The following PON2 variants were observed in gnomAD, a reference collection of about 807,000 sequenced individuals.
PON2 encodes paraoxonase 2.
In PON2, 27 loss-of-function variants were observed where a neutral mutation model predicts 36.6. That is an observed-to-expected ratio of 0.74 (90% confidence interval 0.54 to 1.02). The LOEUF is 1.02. PON2 is among the 50% of genes least tolerant of loss of function. PON2 has a pLI of 0.00. For missense variants in PON2, 363 were observed against 421.1 expected, an observed-to-expected ratio of 0.86 and a Z score of 1.21; for synonymous variants, 149 against 156.3, an observed-to-expected ratio of 0.95 and a Z score of 0.35.
rs554338521 is a variant in PON2 at position 95,416,279 on chromosome 7, A to G, written c.164T>C (p.Ile55Thr). 75 of 1,613,652 alleles carry G rather than the reference A, an allele frequency of 4.6e-5. No homozygotes were observed. The highest frequency in any genetic ancestry group is 1.6e-4 in the Middle Eastern group (1 of 6,082). ...AGCCAGACCATTGGGAAGTATGTCA[A>G]TATCTTCAGAGCCAGCTTCTGTAAG... The part of the protein sequence containing the change: ...IKGIEAGSED[I>T]DILPNGLAFF... The change falls in exon 3 of 9, where the codon ATT becomes ACT. Residue 55 changes from isoleucine (I) to threonine (T), a missense_variant. Transcript: ENST00000222572.
intron 1 of PON2, 99 bp downstream of exon 1, chr7:95,434,779 C>G (rs1237802030): frequency 7.4e-7 from 1 of 1,358,282 alleles, no homozygotes; most frequent in Non-Finnish European, 9.9e-7. Context: ...AGGGCCAGGT[C>G]CCGCAGGAAT....
At chr7:95,418,763 G>C (rs1346415468) in intron 2 of PON2, among the ~76,000 whole-genome samples, 1 of 151,938 alleles carries the variant, frequency 6.6e-6, no homozygotes, top group Non-Finnish European at 1.5e-5. Context: ...TTAATACTGT[G>C]GGCTGATTTG....
rs145186197 is a variant in PON2, at chr7:95,433,053, T to C, written c.74+1825A>G. On this transcript the variant is annotated intron_variant, in intron 1 of 8. Transcript: ENST00000222572. ...GCTCATTAGAATTATCAGGAATGTT[T>C]TTAAAAATAAAAAATGCCACTGCTA... Among the ~76,000 whole-genome samples the C allele has an allele frequency of 1.1e-4, 16 of 152,306 alleles. 1 individual carries two copies. In the East Asian group the frequency reaches 3.1e-3, roughly 29 times the overall value.
chr7:95,405,374 G>A lies in PON2; in HGVS notation c.1021C>T (p.Leu341Phe). 1.2e-6 allele frequency: 2 copies of A among 1,613,944 alleles called. No homozygotes were observed. The highest frequency in any genetic ancestry group is 1.7e-6 in the Non-Finnish European group (2 of 1,179,874). ...SVASVYDGKL[L>F]IGTLYHRALY... ...GCTCTGTGGTATAAAGTGCCTATGA[G>A]CAGCTTCCCATCATACACTGAGGCT... Residue 341 changes from leucine to phenylalanine, a missense_variant, in exon 9 of 9, where the codon CTC (leucine) becomes TTC (phenylalanine). Coordinates refer to ENST00000222572, the MANE Select transcript of PON2 (RefSeq NM_000305.3).
In PON2 at chr7:95,411,725, T is replaced by G. The variant is rs1788930099; in HGVS notation, c.422A>C (p.Glu141Ala). 1.9e-6 allele frequency: 3 copies of G among 1,613,602 alleles called. No homozygotes were observed. The South Asian group carries it at 3.3e-5, about 18-fold the overall frequency. ...TTCTGCTTCTTCAAATTTAAAAATTTCCACTGTATTCTTGAATTCTGGGTG... is the reference window on the plus strand; with the variant it reads ...TTCTGCTTCTTCAAATTTAAAAATTGCCACTGTATTCTTGAATTCTGGGTG... ...VNHPEFKNTV[E>A]IFKFEEAENS... is the part of the protein sequence containing the mutation. Residue 141 changes from glutamate (E) to alanine (A), a missense_variant, in exon 5 of 9, where the codon GAA (glutamate) becomes GCA (alanine). Coordinates refer to ENST00000222572, the MANE Select transcript of PON2 (RefSeq NM_000305.3).
chr7:95,434,982 C>CGT lies in PON2; in HGVS notation c.-32_-31insAC. On this transcript the variant is annotated 5_prime_UTR_variant, in exon 1 of 9. Coordinates refer to ENST00000222572, the MANE Select transcript of PON2 (RefSeq NM_000305.3). ...GGGAGCCGGGCGCGCTGCCTCGCTC[C>CGT]GGCCTGGCCAGCAGCTCCGTGGGCG... The CGT allele has an allele frequency of 6.6e-7, 1 of 1,511,936 alleles. No homozygotes were observed. Among genetic ancestry groups the CGT allele is most frequent in the Non-Finnish European group, 8.8e-7 (1 of 1,136,222 alleles). The allele number at this position is 1,511,936 out of a possible 1,614,324, so 93.7% of individuals were successfully genotyped here. A position where few individuals can be genotyped will look rare whatever the true frequency, so the allele number is the denominator to read the frequency against.
chr7:95,412,577 A>C, intron 3 of PON2, 100 bp from the exon 4 acceptor site: 1 of 1,296,600 alleles, frequency 7.7e-7, no homozygotes, highest in Admixed American at 1.9e-5. Flanking sequence ...TTGTGGTTAA[A>C]GTAGTGGCAT....
chr7:95,412,603 C>A lies in PON2; in HGVS notation c.202-126G>T. The A allele has an allele frequency of 6.6e-6, 6 of 907,536 alleles. No homozygotes were observed. In the Admixed American group the frequency reaches 7.3e-5, roughly 11 times the overall value. 56.2% of individuals were successfully genotyped at this position (907,536 alleles called of 1,614,324 possible). On this transcript the variant is annotated intron_variant, in intron 3 of 8. Coordinates refer to ENST00000222572, the MANE Select transcript of PON2 (RefSeq NM_000305.3). Reference sequence around the variant, plus strand: ...GTAGTGGCATAAAGCCACAAAAACTCAAAAAACAGAGAAAAGATAACAGAA... The same window carrying A: ...GTAGTGGCATAAAGCCACAAAAACTAAAAAAACAGAGAAAAGATAACAGAA...
intron 6 of PON2, among the ~76,000 whole-genome samples, chr7:95,408,271 A>G (rs890202395): frequency 3.9e-5 from 6 of 152,192 alleles, no homozygotes; most frequent in African/African-American, 1.4e-4. Flanking sequence ...AATTGGCAAG[A>G]GTGAAAAAAA....
intron 2 of PON2, chr7:95,418,469 G>A (rs1789121830): frequency 6.6e-6 from 1 of 152,122 alleles, no homozygotes; most frequent in Non-Finnish European, 1.5e-5. Context: ...AACATCCCCT[G>A]ATTCCTCTGT....
chr7:95,424,063 G>A (rs1789256470), intron 2 of PON2: 2 of 184,814 alleles, frequency 1.1e-5, no homozygotes, highest in South Asian at 2.2e-4. Context: ...GATTCGGGTG[G>A]GGACACAACC....
At chr7:95,418,648 T>C (rs1789125142) in intron 2 of PON2, among the ~76,000 whole-genome samples, 1 of 152,222 alleles carries the variant, frequency 6.6e-6, no homozygotes. Flanking sequence ...TTCAACTTAT[T>C]TTATTTCAAA....
At chr7:95,413,940 CA>C (rs1788999068) in intron 3 of PON2, among the ~76,000 whole-genome samples, 1 of 152,154 alleles carries the variant, frequency 6.6e-6, no homozygotes, top group Non-Finnish European at 1.5e-5. Context: ...GTCCCCAAAA[CA>C]AAAGCATGAT....
At chr7:95,420,206 C>A (rs182163441) in intron 2 of PON2, among the ~76,000 whole-genome samples, 87 of 152,194 alleles carry the variant, frequency 5.7e-4, no homozygotes, top group Admixed American at 3.1e-3. Context: ...ATTATAAGGG[C>A]CACAAACTTT....
At chr7:95,417,001 A>G (rs948605652) in intron 2 of PON2, among the ~76,000 whole-genome samples, 3 of 152,244 alleles carry the variant, frequency 2.0e-5, no homozygotes, top group African/African-American at 7.2e-5. Flanking sequence ...ATAATTAGAC[A>G]TAAGACTTTC....
chr7:95,431,945 A>G (rs1789452862), intron 1 of PON2, among the ~76,000 whole-genome samples: 1 of 151,896 alleles, frequency 6.6e-6, no homozygotes. Flanking sequence ...TGTGAAATTC[A>G]AAGTTAACTG....
chr7:95,413,609 A>T (rs1256296501), intron 3 of PON2, among the ~76,000 whole-genome samples: 1 of 152,230 alleles, frequency 6.6e-6, no homozygotes, highest in Non-Finnish European at 1.5e-5. Context: ...TTAATAAATT[A>T]CCTATCAGTC....
Position 95,412,316 on chromosome 7 carries a change from G to A in PON2, c.363C>T (p.Asp121=). 6.8e-6 allele frequency: 11 copies of A among 1,614,092 alleles called. No individual in the cohort carries two copies. Among genetic ancestry groups the A allele is most frequent in the Non-Finnish European group, 9.3e-6 (11 of 1,179,978 alleles). Residue 121 remains aspartate (D), a synonymous_variant, in exon 4 of 9, where the codon GAC becomes GAT. Transcript: ENST00000222572. ...FNPHGISTFI[D]NDDTVYLFVV... The stretch of plus-strand genomic sequence containing the variant: ...TGGTAGCCCATTGGCTCTTACCGTT[G>A]TCTATGAAAGTGCTGATGCCATGTG...
chr7:95,423,321 CAAAAA>C (rs35269697), intron 2 of PON2, among the ~76,000 whole-genome samples: 1 of 71,150 alleles, frequency 1.4e-5, no homozygotes, highest in Non-Finnish European at 3.1e-5. Context: ...GGCCACCTCT[CAAAAA>C]AAAAAAAAAA....
Sources: allele counts gnomAD v4.1 joint callset (sites outside exome capture counted in the v4.1 genomes callset), GRCh38; gene constraint gnomAD v4.1.1; transcripts MANE v1.5; gene names NCBI Gene and HGNC (gene_info 2026-07-23, HGNC 2026-07-21).